The following CTNNA3 variants were observed in gnomAD, a reference collection of about 807,000 sequenced individuals.
CTNNA3 encodes the protein catenin alpha-3.
Under a neutral mutation model 95.7 loss-of-function variants are expected in CTNNA3, and 76 were observed. The ratio of observed to expected loss-of-function variants is 0.79; its 90% CI spans 0.66 to 0.96. The LOEUF is 0.96. Among genes scored for constraint, CTNNA3 ranks in the 40% least tolerant of loss-of-function variants. The pLI, the probability that CTNNA3 is intolerant of heterozygous loss-of-function variation, is 0.00. For missense variants in CTNNA3, 1,191 were observed against 1,089.8 expected (o/e 1.09, Z -1.31); for synonymous variants, 431 against 374.4 (o/e 1.15, Z -1.74).
chr10:65,968,631 A>T (rs1026772870), intron 16 of CTNNA3, among the ~76,000 whole-genome samples: 1 of 152,110 alleles, frequency 6.6e-6, no homozygotes, highest in Non-Finnish European at 1.5e-5. Context: ...TATTCAAAGT[A>T]CATGTTTGCT....
rs535234176 is a variant in CTNNA3, at chr10:67,073,103, C to T, written c.1047+107214G>A. Among the ~76,000 whole-genome samples, 5 of 152,304 alleles carry T rather than the reference C, an allele frequency of 3.3e-5. No homozygotes were observed. The East Asian group carries it at 9.6e-4, about 29-fold the overall frequency. ...GCAAATGCCCTCAGGGAAATAAATACATGCATGCCTTGGAATAATTTTCCC... is the reference window on the plus strand; with the variant it reads ...GCAAATGCCCTCAGGGAAATAAATATATGCATGCCTTGGAATAATTTTCCC... On this transcript the variant is annotated intron_variant, in intron 7 of 17. Transcript: ENST00000433211.
chr10:67,022,881 T>G (rs1853118032), intron 7 of CTNNA3, among the ~76,000 whole-genome samples: 1 of 152,106 alleles, frequency 6.6e-6, no homozygotes, highest in African/African-American at 2.4e-5. Context: ...GAGGTTGCAG[T>G]GAGCCGAGAT....
intron 13 of CTNNA3, among the ~76,000 whole-genome samples, chr10:66,265,221 G>A (rs2091118725): frequency 6.6e-6 from 1 of 152,012 alleles, no homozygotes; most frequent in Admixed American, 6.6e-5. Flanking sequence ...AACACCAAAA[G>A]TACACTGAAT....
intron 10 of CTNNA3, among the ~76,000 whole-genome samples, chr10:66,598,390 T>A (rs1052558306): frequency 2.0e-5 from 3 of 151,928 alleles, no homozygotes; most frequent in African/African-American, 7.2e-5. Context: ...TATCCAACAT[T>A]GTACTGGAAG....
chr10:67,456,088 A>G (rs1426583289), intron 5 of CTNNA3, among the ~76,000 whole-genome samples: 3 of 152,172 alleles, frequency 2.0e-5, no homozygotes, highest in Non-Finnish European at 4.4e-5. Context: ...CAAGCCATGC[A>G]TAATTTTATA....
intron 5 of CTNNA3, among the ~76,000 whole-genome samples, chr10:67,237,056 C>G (rs1338085074): frequency 2.1e-5 from 3 of 142,992 alleles, no homozygotes; most frequent in African/African-American, 7.6e-5. Context: ...GGACAATTCA[C>G]AATTGGAAAA....
intron 15 of CTNNA3, among the ~76,000 whole-genome samples, chr10:65,991,860 A>G (rs936894282): frequency 3.0e-4 from 45 of 152,068 alleles, no homozygotes; most frequent in African/African-American, 9.9e-4. Flanking sequence ...GCTTTGTTCC[A>G]ATCAGTATGA....
At chr10:66,773,396 C>T (rs1018757010) in intron 8 of CTNNA3, among the ~76,000 whole-genome samples, 4 of 152,174 alleles carry the variant, frequency 2.6e-5, no homozygotes, top group African/African-American at 7.2e-5. Flanking sequence ...TCTCCCTTTT[C>T]TTGGCAACTT....
chr10:66,715,705 T>TA (rs1234622637), intron 9 of CTNNA3, among the ~76,000 whole-genome samples: 1 of 152,086 alleles, frequency 6.6e-6, no homozygotes, highest in Non-Finnish European at 1.5e-5. Flanking sequence ...TTTAGGTAAG[T>TA]AATAAAATGA....
At chr10:66,167,830 G>C (rs534600106) in intron 13 of CTNNA3, among the ~76,000 whole-genome samples, 1 of 152,266 alleles carries the variant, frequency 6.6e-6, no homozygotes, top group South Asian at 2.1e-4. Flanking sequence ...ATGAAGTGAA[G>C]TTACTGAGGA....
At chr10:66,163,402 C>A (rs1456318226) in intron 13 of CTNNA3, among the ~76,000 whole-genome samples, 5 of 152,098 alleles carry the variant, frequency 3.3e-5, no homozygotes, top group African/African-American at 1.2e-4. Flanking sequence ...TTTCTCTACC[C>A]CTGTATTTCT....
intron 5 of CTNNA3, among the ~76,000 whole-genome samples, chr10:67,508,197 A>T (rs1452020340): frequency 6.6e-6 from 1 of 152,108 alleles, no homozygotes; most frequent in African/African-American, 2.4e-5. Context: ...ATTTTATCAG[A>T]AACAGGGTTT....
intron 15 of CTNNA3, among the ~76,000 whole-genome samples, chr10:66,044,523 T>G (rs2079783073): frequency 6.6e-6 from 1 of 152,206 alleles, no homozygotes; most frequent in Non-Finnish European, 1.5e-5. Flanking sequence ...ACTTTGCCTT[T>G]TGGCTCTCTT....
intron 15 of CTNNA3, among the ~76,000 whole-genome samples, chr10:66,015,343 G>A (rs1020751766): frequency 6.6e-6 from 1 of 152,018 alleles, no homozygotes; most frequent in South Asian, 2.1e-4. Flanking sequence ...ATTAAAATAG[G>A]GATATATTCA....
In CTNNA3 at chr10:66,042,899, C is replaced by CAAAAAAAAAAAAAAAAAAAAAAAAAAAAA; in HGVS notation, c.2159+26380_2159+26408dup. On this transcript the variant is annotated intron_variant, in intron 15 of 17. Coordinates refer to ENST00000433211, the MANE Select transcript of CTNNA3 (RefSeq NM_013266.4). ...TGGGTGACTGAGCGAGACTCTGTCTCAAAAAAAAAAAAAAAAAAAAAAAAA... is the reference window on the plus strand; with the variant it reads ...TGGGTGACTGAGCGAGACTCTGTCTCAAAAAAAAAAAAAAAAAAAAAAAAAAAAAAAAAAAAAAAAAAAAAAAAAAAAAA... Among the ~76,000 whole-genome samples the CAAAAAAAAAAAAAAAAAAAAAAAAAAAAA allele has an allele frequency of 1.1e-3, 55 of 50,424 alleles. 1 individual carries two copies. The highest frequency in any genetic ancestry group is 1.8e-3 in the East Asian group (3 of 1,672). 33.1% of individuals were successfully genotyped at this position (50,424 alleles called of 152,430 possible).
At chr10:67,022,124 A>C (rs1853057948) in intron 7 of CTNNA3, among the ~76,000 whole-genome samples, 2 of 152,162 alleles carry the variant, frequency 1.3e-5, no homozygotes, top group South Asian at 4.1e-4. Flanking sequence ...AAGCCAAAGG[A>C]GTGGGAAAAA....
chr10:67,326,600 G>A (rs1270175754), intron 5 of CTNNA3, among the ~76,000 whole-genome samples: 1 of 152,156 alleles, frequency 6.6e-6, no homozygotes, highest in Non-Finnish European at 1.5e-5. Flanking sequence ...TCCACTGTTA[G>A]TCTGATGGGC....
At chr10:66,823,609 A>G (rs901380107) in intron 7 of CTNNA3, among the ~76,000 whole-genome samples, 3 of 152,186 alleles carry the variant, frequency 2.0e-5, no homozygotes, top group African/African-American at 7.2e-5. Flanking sequence ...TGGCCAATGC[A>G]TCCAGTTTTT....
intron 11 of CTNNA3, among the ~76,000 whole-genome samples, chr10:66,453,315 A>G (rs771638441): frequency 6.6e-6 from 1 of 152,176 alleles, no homozygotes; most frequent in Non-Finnish European, 1.5e-5. Context: ...TATGTTTATT[A>G]AACTCTCTAT....
Sources: allele counts gnomAD v4.1 joint callset (sites outside exome capture counted in the v4.1 genomes callset), GRCh38; gene constraint gnomAD v4.1.1; transcripts MANE v1.5; gene names NCBI Gene and HGNC (gene_info 2026-07-23, HGNC 2026-07-21).